Variants in CNIH2 observed in about 807,000 individuals in gnomAD.
CNIH2 encodes cornichon family AMPA receptor auxiliary protein 2.
CNIH2 carries 8 observed loss-of-function variants against 22.9 expected under a neutral mutation model. The ratio of observed to expected loss-of-function variants is 0.35; its 90% CI spans 0.20 to 0.63. CNIH2 has a LOEUF of 0.63. Ranked by LOEUF, CNIH2 falls within the 30% of genes least tolerant of loss-of-function variation. CNIH2 has a pLI of 0.72. For missense variants in CNIH2, 105 were observed against 206.2 expected (o/e 0.51, Z 3.01); for synonymous variants, 74 against 78.2 (o/e 0.95, Z 0.28).
intron 1 of CNIH2, chr11:66,281,481 C>T (rs564902328): frequency 1.5e-5 from 7 of 456,264 alleles, no homozygotes; most frequent in African/African-American, 1.4e-4. Flanking sequence ...CCCACCAATC[C>T]TGAGACATGG....
rs769570456 is a variant in CNIH2 at position 66,283,175 on chromosome 11, C to G, written c.311+28C>G. ...GAGGGTAGCAGCTGCCTTGGGGAGG[C>G]TGAGATGGGGAACAGGGGCAGGATG... On this transcript the variant is annotated intron_variant, in intron 4 of 5. Transcript: ENST00000311445. 27 of 1,613,456 alleles carry G rather than the reference C, an allele frequency of 1.7e-5. 1 individual carries two copies. The East Asian group carries it at 5.8e-4, about 35-fold the overall frequency.
chr11:66,283,710 C>T lies in CNIH2; in HGVS notation c.*113C>T. On this transcript the variant is annotated 3_prime_UTR_variant, in exon 6 of 6. Coordinates refer to ENST00000311445, the MANE Select transcript of CNIH2 (RefSeq NM_182553.3). ...CTGGGGAGGGAGGGGGCACTGGTGCCCCCAGCCTCTCCAACCCCCAAACTG... is the reference window on the plus strand; with the variant it reads ...CTGGGGAGGGAGGGGGCACTGGTGCTCCCAGCCTCTCCAACCCCCAAACTG... 8.1e-7 allele frequency: 1 copy of T among 1,232,424 alleles called. No homozygotes were observed. Among genetic ancestry groups the T allele is most frequent in the Non-Finnish European group, 1.1e-6 (1 of 886,388 alleles). The allele number at this position is 1,232,424 out of a possible 1,614,324, so 76.3% of individuals were successfully genotyped here.
intron 1 of CNIH2, among the ~76,000 whole-genome samples, chr11:66,278,948 G>A (rs1157347479): frequency 8.6e-6 from 1 of 116,698 alleles, no homozygotes; most frequent in African/African-American, 3.5e-5. Context: ...GGTTTTTCCA[G>A]CCAGAGTGAT....
In CNIH2 at chr11:66,278,449, C is replaced by G. The variant is rs576722156; in HGVS notation, c.-8C>G. ...GCGCCCCCCGGGCCGCCGCCCGGCG[C>G]GGGGGCCATGGCGTTCACCTTCGCC... On this transcript the variant is annotated 5_prime_UTR_variant, in exon 1 of 6. Transcript: ENST00000311445. 7.7e-7 allele frequency: 1 copy of G among 1,302,554 alleles called. No homozygotes were observed. Among genetic ancestry groups the G allele is most frequent in the South Asian group, 2.0e-5 (1 of 51,064 alleles). The allele number at this position is 1,302,554 out of a possible 1,614,324, so 80.7% of individuals were successfully genotyped here.
At chr11:66,280,570 G>A (rs529138701) in intron 1 of CNIH2, among the ~76,000 whole-genome samples, 1 of 152,308 alleles carries the variant, frequency 6.6e-6, no homozygotes, top group South Asian at 2.1e-4. Context: ...AGTGACGCGT[G>A]TCAGCTGTCA....
intron 3 of CNIH2, 122 bp from the exon 4 acceptor site, chr11:66,282,913 G>A: frequency 7.3e-7 from 1 of 1,366,446 alleles, no homozygotes; most frequent in Non-Finnish European, 1.0e-6. Flanking sequence ...GAAGCCAGAG[G>A]CCTTTTAATC....
chr11:66,280,673 G>C (rs1273285390), intron 1 of CNIH2, among the ~76,000 whole-genome samples: 1 of 152,180 alleles, frequency 6.6e-6, no homozygotes, highest in Non-Finnish European at 1.5e-5. Context: ...GGTGGTGCCA[G>C]CTCTGGGGTA....
At chr11:66,281,257 A>G (rs1272523303) in intron 1 of CNIH2, among the ~76,000 whole-genome samples, 2 of 152,152 alleles carry the variant, frequency 1.3e-5, no homozygotes, top group African/African-American at 4.8e-5. Context: ...TTAACTCTGG[A>G]GTCACACTGG....
chr11:66,278,347 C>A lies in CNIH2; in HGVS notation c.-110C>A. 1 of 273,402 alleles carries A rather than the reference C, an allele frequency of 3.7e-6. No individual in the cohort carries two copies. Among genetic ancestry groups the A allele is most frequent in the South Asian group, 1.3e-4 (1 of 7,610 alleles). 16.9% of individuals were successfully genotyped at this position (273,402 alleles called of 1,614,324 possible). A position where few individuals can be genotyped will look rare whatever the true frequency, so the allele number is the denominator to read the frequency against. On this transcript the variant is annotated 5_prime_UTR_variant, in exon 1 of 6. Transcript: ENST00000311445. Reference sequence around the variant, plus strand: ...GTCCCGGCCGCATCACCCACGTCCCCCGAGCCCCACGGGCCATGCCCGGCC... The same window carrying A: ...GTCCCGGCCGCATCACCCACGTCCCACGAGCCCCACGGGCCATGCCCGGCC...
At chr11:66,280,403 C>G (rs1395246896) in intron 1 of CNIH2, among the ~76,000 whole-genome samples, 1 of 152,252 alleles carries the variant, frequency 6.6e-6, no homozygotes, top group Non-Finnish European at 1.5e-5. Flanking sequence ...CTGTGCACAT[C>G]AGAGTGCCTA....
chr11:66,282,582 CCATGGGGACGGCGCGG>C, intron 2 of CNIH2, 135 bp from the exon 3 acceptor site: 1 of 964,914 alleles, frequency 1.0e-6, no homozygotes, highest in Non-Finnish European at 1.6e-6. Flanking sequence ...GTGACGGTCG[CCATGGGGACGGCGCGG>C]CTGCTTCCCG....
At chr11:66,281,501 A>G (rs1473156009) in intron 1 of CNIH2, 1 of 456,064 alleles carries the variant, frequency 2.2e-6, no homozygotes, top group Non-Finnish European at 4.4e-6. Flanking sequence ...GACCAATCCT[A>G]AGACATGGAC....
Position 66,283,756 on chromosome 11 carries a change from CA to C in CNIH2, c.*160del. ...AACTGCTGCTGCGGGGAACCCCCCC[CA>C]CCCCGCCTTCAGAGCCCTCCCCCTT... On this transcript the variant is annotated 3_prime_UTR_variant, in exon 6 of 6. Transcript: ENST00000311445. 1.4e-6 allele frequency: 1 copy of C among 740,326 alleles called. No homozygotes were observed. The highest frequency in any genetic ancestry group is 2.2e-6 in the Non-Finnish European group (1 of 459,182). The allele number at this position is 740,326 out of a possible 1,614,324, so 45.9% of individuals were successfully genotyped here. A position where few individuals can be genotyped will look rare whatever the true frequency, so the allele number is the denominator to read the frequency against.
At chr11:66,282,535 C>T in intron 2 of CNIH2, 198 bp from the exon 3 acceptor site, 1 of 847,260 alleles carries the variant, frequency 1.2e-6, no homozygotes, top group South Asian at 1.7e-5. Flanking sequence ...AGGCTCTGGG[C>T]CGTTGCCATG....
At chr11:66,278,688 C>T (rs1004434932) in intron 1 of CNIH2, 151 bp downstream of exon 1, 8 of 427,980 alleles carry the variant, frequency 1.9e-5, no homozygotes, top group Non-Finnish European at 2.6e-5. Context: ...ATTAACACCC[C>T]CCGTGGTCGG....
Position 66,284,074 on chromosome 11 carries a change from C to G in CNIH2, c.*477C>G, listed in dbSNP as rs11543154. ...CCCTCCCCTCTCCCCCAGGCTCTTT[C>G]TCCAGCCCTGTCTCCATCTGCCCCA... is the stretch of plus-strand genomic sequence containing the variant. On this transcript the variant is annotated 3_prime_UTR_variant, in exon 6 of 6. Transcript: ENST00000311445. The G allele has an allele frequency of 5.5e-6, 1 of 182,844 alleles. No homozygotes were observed. The highest frequency in any genetic ancestry group is 1.2e-5 in the Non-Finnish European group (1 of 85,998). 11.3% of individuals were successfully genotyped at this position (182,844 alleles called of 1,614,324 possible). A position where few individuals can be genotyped will look rare whatever the true frequency, so the allele number is the denominator to read the frequency against.
chr11:66,283,022 C>T lies in CNIH2; in HGVS notation c.199-13C>T. The T allele has an allele frequency of 6.2e-7, 1 of 1,609,608 alleles. No individual in the cohort carries two copies. Among genetic ancestry groups the T allele is most frequent in the Non-Finnish European group, 8.5e-7 (1 of 1,176,016 alleles). On this transcript the variant is annotated splice_polypyrimidine_tract_variant and intron_variant, in intron 3 of 5. Transcript: ENST00000311445. ...AGCACCAGGCCGCTGACCTCTCACC[C>T]TCACTCCCCCAGCTGGTGGTCCCAG...
rs907236611 is a variant in CNIH2 at position 66,283,892 on chromosome 11, C to T, written c.*295C>T. ...GCAGGACCTCCGGCCTTGTCCATTT[C>T]GGGGGAAACTTGGGCCCTGCCAAGG... On this transcript the variant is annotated 3_prime_UTR_variant, in exon 6 of 6. Coordinates refer to ENST00000311445, the MANE Select transcript of CNIH2 (RefSeq NM_182553.3). 3 of 382,910 alleles carry T rather than the reference C, an allele frequency of 7.8e-6. No homozygotes were observed. The highest frequency in any genetic ancestry group is 2.1e-5 in the African/African-American group (1 of 48,464). 23.7% of individuals were successfully genotyped at this position (382,910 alleles called of 1,614,324 possible).
intron 1 of CNIH2, among the ~76,000 whole-genome samples, chr11:66,280,606 G>A (rs1428951935): frequency 2.0e-5 from 3 of 152,196 alleles, no homozygotes; most frequent in Non-Finnish European, 4.4e-5. Flanking sequence ...TGTTCCGGGG[G>A]GCTGAGTCAG....
Sources: gnomAD v4.1 joint callset for allele counts (sites outside exome capture counted in the v4.1 genomes callset) on GRCh38, gnomAD v4.1.1 for gene constraint, MANE v1.5 for transcripts, NCBI Gene and HGNC (gene_info 2026-07-23, HGNC 2026-07-21) for gene names.